The following GALNTL6 variants were observed in gnomAD, a reference collection of about 807,000 sequenced individuals.
GALNTL6 encodes the protein polypeptide N-acetylgalactosaminyltransferase like 6, also known as polypeptide N-acetylgalactosaminyltransferase-like 6.
A neutral mutation model predicts 73.7 loss-of-function variants in GALNTL6; 46 were observed. The ratio of observed to expected loss-of-function variants is 0.62; its 90% CI spans 0.49 to 0.80. The LOEUF is 0.80. GALNTL6 is among the 30% of genes least tolerant of loss of function. The probability of loss-of-function intolerance (pLI) is 0.00; values close to 1 mark genes in which losing one functional copy is unlikely to be tolerated. For missense variants in GALNTL6, 604 were observed against 755.0 expected (o/e 0.80, Z 2.34); for synonymous variants, 259 against 263.7 (o/e 0.98, Z 0.17).
At chr4:172,616,044 A>G (rs1484000434) in intron 5 of GALNTL6, among the ~76,000 whole-genome samples, 1 of 152,186 alleles carries the variant, frequency 6.6e-6, no homozygotes, top group Non-Finnish European at 1.5e-5. Flanking sequence ...TTTTGGCTGA[A>G]TATGGGTCAA....
At chr4:172,801,961 T>C (rs2110962847) in intron 5 of GALNTL6, among the ~76,000 whole-genome samples, 1 of 152,288 alleles carries the variant, frequency 6.6e-6, no homozygotes, top group Middle Eastern at 3.4e-3. Flanking sequence ...GCAAATATAT[T>C]TTCCCACTGA....
chr4:172,546,769 T>C (rs1237601655), intron 5 of GALNTL6, among the ~76,000 whole-genome samples: 2 of 148,328 alleles, frequency 1.3e-5, no homozygotes, highest in African/African-American at 4.9e-5. Context: ...CTTATTAGAG[T>C]TTTTCAACTC....
At chr4:172,541,920 T>G (rs1240999758) in intron 5 of GALNTL6, among the ~76,000 whole-genome samples, 6 of 152,000 alleles carry the variant, frequency 3.9e-5, no homozygotes, top group Non-Finnish European at 8.8e-5. Context: ...CAGTTTCAGA[T>G]TATTTTCTAC....
chr4:173,002,141 C>A (rs1752070057), intron 10 of GALNTL6, among the ~76,000 whole-genome samples: 1 of 152,192 alleles, frequency 6.6e-6, no homozygotes, highest in African/African-American at 2.4e-5. Flanking sequence ...CCTGTAATCC[C>A]AGCACTTTGG....
chr4:171,873,749 GT>G (rs777817021), intron 2 of GALNTL6, among the ~76,000 whole-genome samples: 2 of 152,078 alleles, frequency 1.3e-5, no homozygotes, highest in Non-Finnish European at 2.9e-5. Flanking sequence ...TATCTGATGT[GT>G]TTTGTTAATT....
At chr4:172,618,195 G>A (rs1364220723) in intron 5 of GALNTL6, among the ~76,000 whole-genome samples, 2 of 152,172 alleles carry the variant, frequency 1.3e-5, no homozygotes, top group Admixed American at 6.5e-5. Context: ...AGCCCTGGCA[G>A]CAAAAGGGCT....
At chr4:172,576,366 T>C (rs1292144029) in intron 5 of GALNTL6, among the ~76,000 whole-genome samples, 1 of 152,168 alleles carries the variant, frequency 6.6e-6, no homozygotes, top group Non-Finnish European at 1.5e-5. Context: ...TAAAAAATCC[T>C]TAAATATAAA....
intron 8 of GALNTL6, among the ~76,000 whole-genome samples, chr4:172,896,035 T>G (rs1746312224): frequency 6.6e-6 from 1 of 152,234 alleles, no homozygotes; most frequent in Non-Finnish European, 1.5e-5. Flanking sequence ...CTGTATTTCC[T>G]TTAGGTTCGT....
At chr4:172,076,697 T>C (rs1264281918) in intron 2 of GALNTL6, among the ~76,000 whole-genome samples, 1 of 152,260 alleles carries the variant, frequency 6.6e-6, no homozygotes, top group Non-Finnish European at 1.5e-5. Flanking sequence ...TATTCATTTG[T>C]GTCCCATTTA....
At chr4:172,094,947 T>C (rs1290277197) in intron 2 of GALNTL6, among the ~76,000 whole-genome samples, 1 of 151,858 alleles carries the variant, frequency 6.6e-6, no homozygotes, top group South Asian at 2.1e-4. Flanking sequence ...CATAGTTTTT[T>C]GTTTTTTGTT....
chr4:171,958,961 G>A (rs1259691349), intron 2 of GALNTL6, among the ~76,000 whole-genome samples: 2 of 152,084 alleles, frequency 1.3e-5, no homozygotes, highest in East Asian at 3.8e-4. Context: ...AGAGAAACTT[G>A]TAATCTTTCT....
At chr4:171,962,765 C>CTTTTT (rs139917729) in intron 2 of GALNTL6, among the ~76,000 whole-genome samples, 6,371 of 113,782 alleles carry the variant, frequency 0.056, 737 homozygotes, top group African/African-American at 0.091. Flanking sequence ...CTTGCTTTTA[C>CTTTTT]TTTTTTTTTT....
At chr4:172,696,763 C>T (rs948442061) in intron 5 of GALNTL6, among the ~76,000 whole-genome samples, 2 of 152,162 alleles carry the variant, frequency 1.3e-5, no homozygotes, top group African/African-American at 4.8e-5. Flanking sequence ...ATAACCCAGT[C>T]TCTGGTATGT....
intron 2 of GALNTL6, among the ~76,000 whole-genome samples, chr4:172,138,519 T>C (rs1311006509): frequency 4.7e-5 from 1 of 21,432 alleles, no homozygotes; most frequent in Non-Finnish European, 8.9e-5. Context: ...ATATATTTTT[T>C]TTTTTTTTTT....
chr4:172,777,835 T>A (rs1739155000), intron 5 of GALNTL6, among the ~76,000 whole-genome samples: 1 of 152,154 alleles, frequency 6.6e-6, no homozygotes, highest in African/African-American at 2.4e-5. Context: ...AATTACAACA[T>A]TCAGGCAATG....
At chr4:172,039,809 G>A (rs1226587907) in intron 2 of GALNTL6, among the ~76,000 whole-genome samples, 2 of 151,902 alleles carry the variant, frequency 1.3e-5, no homozygotes, top group Non-Finnish European at 2.9e-5. Context: ...TAAACCTCAG[G>A]ACAACTCATT....
intron 9 of GALNTL6, among the ~76,000 whole-genome samples, chr4:172,940,817 C>T (rs1210744017): frequency 1.4e-4 from 21 of 151,998 alleles, no homozygotes; most frequent in Non-Finnish European, 1.5e-5. Context: ...GGACTACAGG[C>T]ACACGCCATC....
chr4:172,693,635 G>A (rs564261224), intron 5 of GALNTL6, among the ~76,000 whole-genome samples: 1 of 152,204 alleles, frequency 6.6e-6, no homozygotes, highest in East Asian at 1.9e-4. Flanking sequence ...TGCTCCTTCC[G>A]CACTCAAGGC....
chr4:172,490,170 A>G (rs1055594762), intron 5 of GALNTL6, among the ~76,000 whole-genome samples: 2 of 152,242 alleles, frequency 1.3e-5, no homozygotes, highest in Non-Finnish European at 2.9e-5. Context: ...AGACTGAAGC[A>G]GCATCAGAAA....
Sources: allele counts gnomAD v4.1 joint callset (sites outside exome capture counted in the v4.1 genomes callset), GRCh38; gene constraint gnomAD v4.1.1; transcripts MANE v1.5; gene names NCBI Gene and HGNC (gene_info 2026-07-23, HGNC 2026-07-21).